CIT: variants seen among roughly 807,000 people sequenced by gnomAD.
The protein encoded by CIT is citron rho-interacting serine/threonine kinase, also known as citron Rho-interacting kinase.
Under a neutral mutation model 272.7 loss-of-function variants are expected in CIT, and 79 were observed. The observed-to-expected ratio is 0.29, with a 90% CI of 0.24 to 0.35. The LOEUF (loss-of-function observed/expected upper bound fraction) is 0.35, where lower values mean the gene tolerates loss of function less well. Ranked by LOEUF, CIT falls within the 10% of genes least tolerant of loss-of-function variation. CIT has a pLI of 1.00. For missense variants in CIT, 1,909 were observed against 2,618.3 expected (o/e 0.73, Z 5.91); for synonymous variants, 948 against 995.6 (o/e 0.95, Z 0.90).
rs775369737 is a variant in CIT, at chr12:119,697,662, C to T, written c.5879G>A (p.Arg1960His). Residue 1960 changes from arginine (R) to histidine (H), a missense_variant, in exon 46 of 48, where the codon CGC (arginine) becomes CAC (histidine). Physicochemically the swap from Arg to His is conservative, Grantham distance 29. This residue lies in a region of CIT where 780 missense variants were observed against 1,067.2 expected (regional missense o/e 0.73). Coordinates refer to ENST00000392521, the MANE Select transcript of CIT (RefSeq NM_001206999.2). The surrounding 1 kb of genome is among the most constrained non-coding windows in gnomAD (Gnocchi z 4.9). ...TEHHRGPSTS[R>H]SSPNKRGPPT... The stretch of plus-strand genomic sequence containing the variant: ...AGGAAGAGGAGAAGCTGGTTACCTG[C>T]GGGAGGTGGACGGGCCCCGGTGGTG... 9 of 1,613,158 alleles carry T rather than the reference C, an allele frequency of 5.6e-6. No individual in the cohort carries two copies. The East Asian group carries it at 6.7e-5, about 12-fold the overall frequency.
chr12:119,787,287 C>G (rs952744351), intron 10 of CIT, among the ~76,000 whole-genome samples: 2 of 151,978 alleles, frequency 1.3e-5, no homozygotes, highest in Non-Finnish European at 2.9e-5. Flanking sequence ...AAAAATGAGT[C>G]GGGCATAGTG....
Position 119,803,272 on chromosome 12 carries a change from G to C in CIT, c.1229C>G (p.Ser410Trp). The change falls in exon 10 of 48, where the codon TCG becomes TGG. Residue 410 changes from serine (S) to tryptophan (W), a missense_variant. This residue lies in a region of CIT where 529 missense variants were observed against 549.6 expected (regional missense o/e 0.96). Coordinates refer to ENST00000392521, the MANE Select transcript of CIT (RefSeq NM_001206999.2). The stretch of plus-strand genomic sequence containing the variant: ...CCCCACAAACGGCAGTTCTTCACCC[G>C]AGAAGCCTGAGGGGCTCAGCTGGCA... Reference protein sequence around the residue: ...SPCQLSPSGFSGEELPFVGFS... With the variant: ...SPCQLSPSGFWGEELPFVGFS... 1 of 1,608,954 alleles carries C rather than the reference G, an allele frequency of 6.2e-7. No homozygotes were observed. The highest frequency in any genetic ancestry group is 8.5e-7 in the Non-Finnish European group (1 of 1,177,948).
intron 5 of CIT, among the ~76,000 whole-genome samples, chr12:119,835,136 G>T (rs1593905052): frequency 6.6e-6 from 1 of 152,330 alleles, no homozygotes; most frequent in Non-Finnish European, 1.5e-5. Context: ...TCTACCCCAA[G>T]GAACTGAAAT....
intron 7 of CIT, among the ~76,000 whole-genome samples, chr12:119,830,597 G>C (rs1347307457): frequency 7.9e-6 from 1 of 126,912 alleles, no homozygotes; most frequent in South Asian, 2.7e-4. Flanking sequence ...ATCAACTAAG[G>C]GTTCTCAAAC....
intron 6 of CIT, 79 bp downstream of exon 6, chr12:119,834,007 T>C (rs1157925165): frequency 7.3e-7 from 1 of 1,368,946 alleles, no homozygotes; most frequent in South Asian, 1.4e-5. Context: ...AAATCACTCA[T>C]CCACTCATTT....
At chr12:119,709,571 A>G (rs1019620232) in intron 39 of CIT, among the ~76,000 whole-genome samples, 1 of 152,208 alleles carries the variant, frequency 6.6e-6, no homozygotes, top group African/African-American at 2.4e-5. Flanking sequence ...GCCTGAAACA[A>G]GACCTAACTG....
In CIT at chr12:119,690,173, G is replaced by A. The variant is rs767728707; in HGVS notation, c.6164C>T (p.Thr2055Ile). ...RGRLPAGAVR[T>I]PLSQVNKVWD... Reference sequence around the variant, plus strand: ...CACCTTGTTCACCTGGGACAGCGGGGTCCTCACGGCTCCCGCAGGCAGCCG... The same window carrying A: ...CACCTTGTTCACCTGGGACAGCGGGATCCTCACGGCTCCCGCAGGCAGCCG... Residue 2055 changes from threonine (T) to isoleucine (I), a missense_variant, in exon 47 of 48, where the codon ACC (threonine) becomes ATC (isoleucine). This residue lies in a region of CIT where 780 missense variants were observed against 1,067.2 expected (regional missense o/e 0.73). Coordinates refer to ENST00000392521, the MANE Select transcript of CIT (RefSeq NM_001206999.2). This position sits in a 1 kb window ranked among gnomAD's most constrained non-coding sequence, Gnocchi z 6.0. 3.4e-6 allele frequency: 5 copies of A among 1,484,308 alleles called. No homozygotes were observed. In the African/African-American group the frequency reaches 7.2e-5, roughly 21 times the overall value. 91.9% of individuals were successfully genotyped at this position (1,484,308 alleles called of 1,614,324 possible).
intron 4 of CIT, among the ~76,000 whole-genome samples, chr12:119,852,485 G>A (rs919571389): frequency 8.5e-5 from 13 of 152,094 alleles, no homozygotes; most frequent in East Asian, 7.8e-4. Context: ...AGGCCAAGGC[G>A]GGCGGATCAC....
At chr12:119,731,911 C>T (rs1012428345) in intron 26 of CIT, among the ~76,000 whole-genome samples, 7 of 151,198 alleles carry the variant, frequency 4.6e-5, no homozygotes, top group Non-Finnish European at 8.8e-5. Flanking sequence ...TCTCAGTTCA[C>T]TGCAACCTCC....
In CIT at chr12:119,783,982, C is replaced by A; in HGVS notation, c.1471G>T (p.Val491Leu). The change falls in exon 12 of 48, where the codon GTG becomes TTG. Residue 491 changes from valine (V) to leucine (L), a missense_variant. By Grantham distance (32) the Val-to-Leu change is conservative. Around this residue, in one of 8 missense-constraint regions of CIT, gnomAD observed 8 missense variants for 48.2 expected, o/e 0.17. Transcript: ENST00000392521. ...TGAGTCTCAGAGGCCTTCAGCTCCA[C>A]CTCCTTCTGACTAAGCACAGCCTCC... Reference protein sequence around the residue: ...EVEAVLSQKEVELKASETQRS... With the variant: ...EVEAVLSQKELELKASETQRS... 1 of 1,613,522 alleles carries A rather than the reference C, an allele frequency of 6.2e-7. No homozygotes were observed. The highest frequency in any genetic ancestry group is 8.5e-7 in the Non-Finnish European group (1 of 1,179,660).
Position 119,694,508 on chromosome 12 carries a change from TA to T in CIT, c.5882+3150del, listed in dbSNP as rs1419726158. Among the ~76,000 whole-genome samples, 2 of 151,980 alleles carry T rather than the reference TA, an allele frequency of 1.3e-5. No homozygotes were observed. The highest frequency in any genetic ancestry group is 2.9e-5 in the Non-Finnish European group (2 of 67,992). ...ATGCAGAATATGCTGCCACTTGTAT[TA>T]AAAAGGAGGGGTGGTTGCGTGTAGT... On this transcript the variant is annotated intron_variant, in intron 46 of 47. Coordinates refer to ENST00000392521, the MANE Select transcript of CIT (RefSeq NM_001206999.2). This position sits in a 1 kb window ranked among gnomAD's most constrained non-coding sequence, Gnocchi z 4.5.
At chr12:119,699,724 C>T (rs1956440638) in intron 44 of CIT, 1 of 445,824 alleles carries the variant, frequency 2.2e-6, no homozygotes. Flanking sequence ...GTCCCAGTGG[C>T]CCTGCTGATA....
rs928850005 is a variant in CIT, at chr12:119,825,651, C to T, written c.754-283G>A. Among the ~76,000 whole-genome samples, 7 of 152,088 alleles carry T rather than the reference C, an allele frequency of 4.6e-5. No homozygotes were observed. The South Asian group carries it at 1.0e-3, about 23-fold the overall frequency. On this transcript the variant is annotated intron_variant, in intron 7 of 47. Transcript: ENST00000392521. ...TTATACGAATGAGAGTTGGATATAC[C>T]GGGAATGGAAGATGTCTTTCCTAAT...
chr12:119,832,628 C>A (rs1968718669), intron 7 of CIT, 143 bp downstream of exon 7: 1 of 604,380 alleles, frequency 1.7e-6, no homozygotes. Flanking sequence ...GGAAATGGTT[C>A]TGTGTCCCTG....
chr12:119,688,591 C>T (rs1302474423), intron 47 of CIT, among the ~76,000 whole-genome samples: 1 of 152,180 alleles, frequency 6.6e-6, no homozygotes, highest in African/African-American at 2.4e-5. Flanking sequence ...CAGGTGGCAT[C>T]AGAAGGAGAA....
intron 12 of CIT, 44 bp downstream of exon 12, chr12:119,783,863 AG>A: frequency 6.5e-7 from 1 of 1,536,642 alleles, no homozygotes; most frequent in Non-Finnish European, 8.7e-7. Flanking sequence ...CACACACAAC[AG>A]GAAGTGCCAC....
In CIT at chr12:119,811,650, C is replaced by T. The variant is rs1000693843; in HGVS notation, c.1112-8261G>A. Among the ~76,000 whole-genome samples the T allele has an allele frequency of 2.0e-5, 3 of 152,198 alleles. No homozygotes were observed. The South Asian group carries it at 6.2e-4, about 31-fold the overall frequency. On this transcript the variant is annotated intron_variant, in intron 9 of 47. Transcript: ENST00000392521. ...CAAAAGCCATGTTCCTATGAGGCTG[C>T]TTAATATTAAGTTTTTGGTAATCAA...
chr12:119,827,839 T>C (rs1968296390), intron 7 of CIT, among the ~76,000 whole-genome samples: 1 of 152,238 alleles, frequency 6.6e-6, no homozygotes, highest in Non-Finnish European at 1.5e-5. Flanking sequence ...TAAATACTTA[T>C]CCTTTATGTC....
At chr12:119,765,705 C>A (rs1962370859) in intron 19 of CIT, among the ~76,000 whole-genome samples, 1 of 151,764 alleles carries the variant, frequency 6.6e-6, no homozygotes, top group South Asian at 2.1e-4. Context: ...TTCCTAGACT[C>A]AAGTGATTCA....
Sources: gnomAD v4.1 joint callset for allele counts (sites outside exome capture counted in the v4.1 genomes callset) on GRCh38, gnomAD v4.1.1 for gene constraint, gnomAD v4.1.1 regional missense constraint, Gnocchi (gnomAD v3.1) non-coding constraint, MANE v1.5 for transcripts, NCBI Gene and HGNC (gene_info 2026-07-23, HGNC 2026-07-21) for gene names.